Variants in IGDCC3 observed in about 807,000 individuals in gnomAD.
IGDCC3 encodes putative neuronal cell adhesion molecule.
A neutral mutation model predicts 72.0 loss-of-function variants in IGDCC3; 47 were observed. That is an observed-to-expected ratio of 0.65 (90% confidence interval 0.52 to 0.83). The LOEUF (loss-of-function observed/expected upper bound fraction) is 0.83, where lower values mean the gene tolerates loss of function less well. IGDCC3 is among the 40% of genes least tolerant of loss of function. The pLI, the probability that IGDCC3 is intolerant of heterozygous loss-of-function variation, is 0.00. For missense variants in IGDCC3, 1,038 were observed against 1,091.3 expected, an observed-to-expected ratio of 0.95 and a Z score of 0.69; for synonymous variants, 477 against 472.8, an observed-to-expected ratio of 1.01 and a Z score of -0.11.
At chr15:65,337,928 C>CT (rs1451139824) in intron 2 of IGDCC3, among the ~76,000 whole-genome samples, 11 of 152,174 alleles carry the variant, frequency 7.2e-5, no homozygotes, top group African/African-American at 2.7e-4. Flanking sequence ...GGAACAAATC[C>CT]TTTTGTGCTT....
At position 65,331,486 on chromosome 15, in the gene IGDCC3, C is replaced by T. The variant is rs145517551; in HGVS notation, c.1322G>A (p.Arg441His). The stretch of plus-strand genomic sequence containing the variant: ...GGCCAGCGGCTCACTCCAGGACACA[C>T]GCACCTCAGTGGAAGACACAGAGAC... ...RAVSVSSTEVRVSWSEPLANT... is the reference protein window; with the variant it reads ...RAVSVSSTEVHVSWSEPLANT... The change falls in exon 8 of 14, where the codon CGT becomes CAT. Residue 441 changes from arginine (R) to histidine (H), a missense_variant. Arg to His is a conservative substitution (Grantham distance 29). Coordinates refer to ENST00000327987, the MANE Select transcript of IGDCC3 (RefSeq NM_004884.4). 1,145 of 1,613,716 alleles carry T rather than the reference C, an allele frequency of 7.1e-4. 10 individuals carry two copies. In the Admixed American group the frequency reaches 8.6e-3, roughly 12 times the overall value.
At chr15:65,347,412 T>G (rs531735125) in intron 2 of IGDCC3, among the ~76,000 whole-genome samples, 2 of 152,198 alleles carry the variant, frequency 1.3e-5, no homozygotes, top group East Asian at 3.9e-4. Flanking sequence ...AGACAAATAA[T>G]CTCTAAGGTC....
intron 2 of IGDCC3, among the ~76,000 whole-genome samples, chr15:65,344,615 T>A (rs1225896245): frequency 6.6e-6 from 1 of 152,066 alleles, no homozygotes; most frequent in East Asian, 1.9e-4. Flanking sequence ...CTGGGTGAAA[T>A]GGACTGCAAG....
chr15:65,335,339 T>G lies in IGDCC3; in HGVS notation c.637A>C (p.Asn213His). 1 of 1,613,704 alleles carries G rather than the reference T, an allele frequency of 6.2e-7. No individual in the cohort carries two copies. Among genetic ancestry groups the G allele is most frequent in the Non-Finnish European group, 8.5e-7 (1 of 1,179,840 alleles). Residue 213 changes from asparagine (N) to histidine (H), a missense_variant, in exon 4 of 14, where the codon AAC (asparagine) becomes CAC (histidine). Asn to His is a moderately conservative substitution (Grantham distance 68). Coordinates refer to ENST00000327987, the MANE Select transcript of IGDCC3 (RefSeq NM_004884.4). ...TGGCTGATCCGGATACTGGCGATGTTTGAGGCCACACAGTGGAAGATGCCA... is the reference window on the plus strand; with the variant it reads ...TGGCTGATCCGGATACTGGCGATGTGTGAGGCCACACAGTGGAAGATGCCA... ...DGGIFHCVAS[N>H]IASIRISHGA...
At chr15:65,334,027 A>G (rs959932856) in intron 5 of IGDCC3, among the ~76,000 whole-genome samples, 11 of 150,296 alleles carry the variant, frequency 7.3e-5, no homozygotes, top group Admixed American at 4.0e-4. Context: ...CAGTCAGAAT[A>G]CAAGGAGACA....
chr15:65,334,592 A>T (rs778428936), intron 5 of IGDCC3, 136 bp downstream of exon 5: 29 of 810,688 alleles, frequency 3.6e-5, no homozygotes, highest in Non-Finnish European at 4.9e-5. Flanking sequence ...TTCCCAGGTC[A>T]CAGGGATAGA....
chr15:65,373,095 A>T (rs1395196263), intron 2 of IGDCC3, among the ~76,000 whole-genome samples: 1 of 152,212 alleles, frequency 6.6e-6, no homozygotes, highest in Non-Finnish European at 1.5e-5. Flanking sequence ...CCATTTATAA[A>T]AAAAAGCACA....
chr15:65,359,684 G>A, intron 2 of IGDCC3, among the ~76,000 whole-genome samples: 1 of 152,188 alleles, frequency 6.6e-6, no homozygotes, highest in Admixed American at 6.5e-5. Context: ...GGATATGCGG[G>A]TGCCCTTTCA....
chr15:65,330,932 G>C (rs1432738922), intron 9 of IGDCC3, 118 bp downstream of exon 9: 1 of 1,262,864 alleles, frequency 7.9e-7, no homozygotes, highest in East Asian at 2.4e-5. Flanking sequence ...ACTCAGCCCT[G>C]ACAGCCTCAG....
Position 65,329,617 on chromosome 15 carries a change from T to TG in IGDCC3, c.1998-21dup, listed in dbSNP as rs747233699. The stretch of plus-strand genomic sequence containing the variant: ...AGGACCCTAAGGGTTAGCCAAGAGT[T>TG]GGGGGGAGGGAGAGAGAAAAGAGAC... On this transcript the variant is annotated intron_variant, in intron 12 of 13. Transcript: ENST00000327987. This position sits in a 1 kb window ranked among gnomAD's most constrained non-coding sequence, Gnocchi z 4.1. 3.0e-5 allele frequency: 49 copies of TG among 1,612,734 alleles called. No individual in the cohort carries two copies. The highest frequency in any genetic ancestry group is 2.7e-5 in the African/African-American group (2 of 74,776).
chr15:65,377,727 A>T lies in IGDCC3; in HGVS notation c.62T>A (p.Leu21Gln). 7.3e-7 allele frequency: 1 copy of T among 1,374,576 alleles called. No individual in the cohort carries two copies. The highest frequency in any genetic ancestry group is 1.7e-5 in the South Asian group (1 of 60,088). 85.1% of individuals were successfully genotyped at this position (1,374,576 alleles called of 1,614,324 possible). A position where few individuals can be genotyped will look rare whatever the true frequency, so the allele number is the denominator to read the frequency against. The change falls in exon 1 of 14, where the codon CTG (leucine) becomes CAG (glutamine). Residue 21 changes from leucine (L) to glutamine (Q), a missense_variant. Physicochemically the swap from Leu to Gln is moderately radical, Grantham distance 113. Coordinates refer to ENST00000327987, the MANE Select transcript of IGDCC3 (RefSeq NM_004884.4). The surrounding 1 kb of genome is among the most constrained non-coding windows in gnomAD (Gnocchi z 4.9). ...CAGCAGCAGCAACAGCAGCGGCAGCAGGAGCCGGGGCCAGAGCGGGGCGGG... is the reference window on the plus strand; with the variant it reads ...CAGCAGCAGCAACAGCAGCGGCAGCTGGAGCCGGGGCCAGAGCGGGGCGGG... ...RPPAPLWPRL[L>Q]LPLLLLLLPA...
At chr15:65,349,005 T>C (rs1368467163) in intron 2 of IGDCC3, among the ~76,000 whole-genome samples, 4 of 152,190 alleles carry the variant, frequency 2.6e-5, no homozygotes, top group African/African-American at 4.8e-5. Context: ...GGTGGGTCTT[T>C]CTCTGGCCTC....
chr15:65,377,916 G>T lies in IGDCC3; in HGVS notation c.-128C>A. 2.2e-6 allele frequency: 2 copies of T among 891,980 alleles called. No homozygotes were observed. The highest frequency in any genetic ancestry group is 5.1e-5 in the South Asian group (1 of 19,436). The allele number at this position is 891,980 out of a possible 1,614,324, so 55.3% of individuals were successfully genotyped here. On this transcript the variant is annotated 5_prime_UTR_variant, in exon 1 of 14. Transcript: ENST00000327987. This position sits in a 1 kb window ranked among gnomAD's most constrained non-coding sequence, Gnocchi z 4.9. Reference sequence around the variant, plus strand: ...CCGGGGCCGAGCCCAGGCGGTGGGGGACTGGGGCCGCATGCCTGCTCAGCA... The same window carrying T: ...CCGGGGCCGAGCCCAGGCGGTGGGGTACTGGGGCCGCATGCCTGCTCAGCA...
At position 65,333,413 on chromosome 15, in the gene IGDCC3, C is replaced by CATCT. The variant is rs780136506; in HGVS notation, c.824-2_825dup (p.Gly276ArgfsTer57). The CATCT allele has an allele frequency of 6.3e-7, 1 of 1,599,446 alleles. No individual in the cohort carries two copies. Among genetic ancestry groups the CATCT allele is most frequent in the Non-Finnish European group, 8.5e-7 (1 of 1,172,688 alleles). ...ATGCCCTCCACCCCGATAGGGCGAC[C>CATCT]ATCTGCAGAGGAAGGGGAGGGGGGA... On this transcript the variant is annotated frameshift_variant and splice_region_variant, in exon 6 of 14. Coordinates refer to ENST00000327987, the MANE Select transcript of IGDCC3 (RefSeq NM_004884.4). LOFTEE classifies it high-confidence loss of function.
Position 65,329,231 on chromosome 15 carries a change from C to T in IGDCC3, c.2206-83G>A. The T allele has an allele frequency of 6.6e-7, 1 of 1,521,598 alleles. No individual in the cohort carries two copies. Among genetic ancestry groups the T allele is most frequent in the South Asian group, 1.3e-5 (1 of 77,046 alleles). 94.3% of individuals were successfully genotyped at this position (1,521,598 alleles called of 1,614,324 possible). On this transcript the variant is annotated intron_variant, in intron 13 of 13. Coordinates refer to ENST00000327987, the MANE Select transcript of IGDCC3 (RefSeq NM_004884.4). The surrounding 1 kb of genome is among the most constrained non-coding windows in gnomAD (Gnocchi z 4.1). ...ACTCACCCCACTTGGGCCTTAGGGT[C>T]TCCAGGTCTCCCTGCCTGACTCAGG...
chr15:65,342,521 A>C (rs1022087992), intron 2 of IGDCC3, among the ~76,000 whole-genome samples: 1 of 152,242 alleles, frequency 6.6e-6, no homozygotes, highest in Non-Finnish European at 1.5e-5. Context: ...GAAGAACTTC[A>C]GTCATCACAG....
rs1376652965 is a variant in IGDCC3, at chr15:65,329,621, G to T, written c.1998-24C>A. ...CCCTAAGGGTTAGCCAAGAGTTGGG[G>T]GGAGGGAGAGAGAAAAGAGACAGAG... On this transcript the variant is annotated intron_variant, in intron 12 of 13. Coordinates refer to ENST00000327987, the MANE Select transcript of IGDCC3 (RefSeq NM_004884.4). This position sits in a 1 kb window ranked among gnomAD's most constrained non-coding sequence, Gnocchi z 4.1. 5 of 1,612,198 alleles carry T rather than the reference G, an allele frequency of 3.1e-6. No homozygotes were observed. The highest frequency in any genetic ancestry group is 4.2e-6 in the Non-Finnish European group (5 of 1,178,764).
chr15:65,370,861 C>T (rs941478742), intron 2 of IGDCC3, among the ~76,000 whole-genome samples: 9 of 152,028 alleles, frequency 5.9e-5, no homozygotes, highest in Non-Finnish European at 1.3e-4. Flanking sequence ...TGACTTCAAG[C>T]GATCCTCCTG....
chr15:65,342,147 G>A (rs2091086858), intron 2 of IGDCC3, among the ~76,000 whole-genome samples: 1 of 151,886 alleles, frequency 6.6e-6, no homozygotes, highest in Admixed American at 6.5e-5. Context: ...AGCATTTTGG[G>A]AGGCCGAGGC....
Sources: allele counts gnomAD v4.1 joint callset (sites outside exome capture counted in the v4.1 genomes callset), GRCh38; gene constraint gnomAD v4.1.1; non-coding constraint Gnocchi (gnomAD v3.1); transcripts MANE v1.5; gene names NCBI Gene and HGNC (gene_info 2026-07-23, HGNC 2026-07-21).